PTPRG: variants seen among roughly 807,000 people sequenced by gnomAD.
PTPRG encodes receptor-type tyrosine-protein phosphatase gamma.
Under a neutral mutation model 165.3 loss-of-function variants are expected in PTPRG, and 102 were observed. The observed-to-expected ratio is 0.62, with a 90% CI of 0.53 to 0.73. The LOEUF (loss-of-function observed/expected upper bound fraction) is 0.73. PTPRG is among the 30% of genes least tolerant of loss of function. The pLI is 0.00. For synonymous variants in PTPRG, 675 were observed against 669.5 expected, an observed-to-expected ratio of 1.01 and a Z score of -0.13; for missense variants, 1,866 against 1,861.4, an observed-to-expected ratio of 1.00 and a Z score of -0.05.
At chr3:62,044,787 C>T (rs1263264390) in intron 4 of PTPRG, among the ~76,000 whole-genome samples, 2 of 152,110 alleles carry the variant, frequency 1.3e-5, no homozygotes, top group Non-Finnish European at 2.9e-5. Flanking sequence ...CATTAAGCTT[C>T]CTCTTTTCAC....
intron 1 of PTPRG, among the ~76,000 whole-genome samples, chr3:61,566,704 G>T (rs1264894339): frequency 6.6e-6 from 1 of 152,108 alleles, no homozygotes; most frequent in African/African-American, 2.4e-5. Flanking sequence ...ACGGAGTGCC[G>T]CCATGTTGGC....
intron 14 of PTPRG, among the ~76,000 whole-genome samples, chr3:62,242,143 T>C (rs1701173023): frequency 6.6e-6 from 1 of 152,238 alleles, no homozygotes; most frequent in Non-Finnish European, 1.5e-5. Context: ...TTTCCATTGC[T>C]TTACATTCAG....
intron 2 of PTPRG, among the ~76,000 whole-genome samples, chr3:61,839,013 A>G (rs932079123): frequency 6.6e-6 from 1 of 152,238 alleles, no homozygotes; most frequent in Non-Finnish European, 1.5e-5. Context: ...TATGAATTCA[A>G]TAAGCATTGA....
chr3:62,136,505 G>C (rs762852189), intron 6 of PTPRG, among the ~76,000 whole-genome samples: 23 of 152,152 alleles, frequency 1.5e-4, no homozygotes, highest in Non-Finnish European at 3.2e-4. Flanking sequence ...TCAGTGGTTG[G>C]ACTGAGAAGA....
At chr3:61,721,403 T>TCA (rs2032037955) in intron 1 of PTPRG, among the ~76,000 whole-genome samples, 1 of 152,188 alleles carries the variant, frequency 6.6e-6, no homozygotes, top group Admixed American at 6.6e-5. Context: ...GATGTACCAT[T>TCA]CACTACAGAG....
rs538231008 is a variant in PTPRG, at chr3:62,137,489, G to T, written c.682+4821G>T. ...CTTAGGTTGTGCAGCATGTGGTCAG[G>T]CGTGGTCATGGAGAAGAATTGGGCC... On this transcript the variant is annotated intron_variant, in intron 6 of 29. Coordinates refer to ENST00000474889, the MANE Select transcript of PTPRG (RefSeq NM_002841.4). Among the ~76,000 whole-genome samples the T allele has an allele frequency of 4.6e-5, 7 of 152,290 alleles. No individual in the cohort carries two copies. The South Asian group carries it at 1.0e-3, about 23-fold the overall frequency.
intron 8 of PTPRG, among the ~76,000 whole-genome samples, chr3:62,177,361 T>G (rs939042025): frequency 1.3e-5 from 2 of 152,148 alleles, no homozygotes; most frequent in African/African-American, 4.8e-5. Flanking sequence ...CAAATAAGAC[T>G]TATAGTACAG....
At chr3:62,057,915 T>G (rs1700684695) in intron 4 of PTPRG, among the ~76,000 whole-genome samples, 1 of 152,196 alleles carries the variant, frequency 6.6e-6, no homozygotes, top group Non-Finnish European at 1.5e-5. Context: ...GAGGAATCAG[T>G]GGGTAGGAAT....
Position 62,237,721 on chromosome 3 carries a change from A to T in PTPRG, c.2376-6086A>T, listed in dbSNP as rs530334634. On this transcript the variant is annotated intron_variant, in intron 14 of 29. Coordinates refer to ENST00000474889, the MANE Select transcript of PTPRG (RefSeq NM_002841.4). This position sits in a 1 kb window ranked among gnomAD's most constrained non-coding sequence, Gnocchi z 4.5. The stretch of plus-strand genomic sequence containing the variant: ...TTCATGTGTCCCATGTGGGCTTTTA[A>T]GAAGCCATGCATACTTGCACATTGC... 9.2e-5 allele frequency among the ~76,000 whole-genome samples: 14 copies of T among 152,332 alleles called. No individual in the cohort carries two copies. The highest frequency in any genetic ancestry group is 3.1e-4 in the African/African-American group (13 of 41,562).
At chr3:61,584,250 AAAT>A (rs1238074264) in intron 1 of PTPRG, among the ~76,000 whole-genome samples, 1 of 152,234 alleles carries the variant, frequency 6.6e-6, no homozygotes, top group African/African-American at 2.4e-5. Flanking sequence ...CCTGAATTAA[AAAT>A]AATAATAAAA....
At chr3:62,176,380 A>C in intron 8 of PTPRG, among the ~76,000 whole-genome samples, 1 of 152,172 alleles carries the variant, frequency 6.6e-6, no homozygotes, top group East Asian at 1.9e-4. Context: ...GAAGTGGTAG[A>C]GCTCAGACGT....
At chr3:62,202,479 G>T (rs1400996590) in intron 11 of PTPRG, among the ~76,000 whole-genome samples, 1 of 152,184 alleles carries the variant, frequency 6.6e-6, no homozygotes, top group Non-Finnish European at 1.5e-5. Flanking sequence ...TGTTATTGTT[G>T]TTGATGTTGT....
chr3:61,925,822 G>T, intron 2 of PTPRG: 1 of 465,278 alleles, frequency 2.1e-6, no homozygotes, highest in Non-Finnish European at 4.3e-6. Flanking sequence ...AGGGGATTAG[G>T]ATTCTTATAA....
chr3:61,978,005 C>T (rs535941229), intron 2 of PTPRG, among the ~76,000 whole-genome samples: 1 of 152,324 alleles, frequency 6.6e-6, no homozygotes, highest in African/African-American at 2.4e-5. Context: ...GCACCTGCCA[C>T]CACACTCAAC....
intron 2 of PTPRG, among the ~76,000 whole-genome samples, chr3:61,961,914 T>A (rs1172664412): frequency 6.6e-6 from 1 of 152,196 alleles, no homozygotes; most frequent in Non-Finnish European, 1.5e-5. Context: ...TGAGAAGCAT[T>A]ATTTCAGACA....
intron 4 of PTPRG, among the ~76,000 whole-genome samples, chr3:62,057,473 TAGAC>T (rs1279969311): frequency 6.6e-6 from 1 of 152,250 alleles, no homozygotes; most frequent in Non-Finnish European, 1.5e-5. Context: ...ATCTGCATCT[TAGAC>T]AGTGGTGTTA....
chr3:61,831,726 T>G (rs1039347048), intron 2 of PTPRG, among the ~76,000 whole-genome samples: 8 of 152,188 alleles, frequency 5.3e-5, no homozygotes, highest in Non-Finnish European at 5.9e-5. Context: ...TATACCAAAT[T>G]TTGGGTGCTT....
rs72890422 is a variant in PTPRG, at chr3:61,613,860, G to A, written c.85+51488G>A. On this transcript the variant is annotated intron_variant, in intron 1 of 29. Transcript: ENST00000474889. ...GCAATATACTGTGACCTCTGTGTGCGGAGACTAATCCAAGGAATTTAGAGT... is the reference window on the plus strand; with the variant it reads ...GCAATATACTGTGACCTCTGTGTGCAGAGACTAATCCAAGGAATTTAGAGT... Among the ~76,000 whole-genome samples, 203 of 152,272 alleles carry A rather than the reference G, an allele frequency of 1.3e-3. 1 individual carries two copies. The highest frequency in any genetic ancestry group is 4.6e-3 in the African/African-American group (192 of 41,552).
At chr3:62,125,004 A>G (rs1703233926) in intron 5 of PTPRG, among the ~76,000 whole-genome samples, 1 of 152,180 alleles carries the variant, frequency 6.6e-6, no homozygotes, top group South Asian at 2.1e-4. Context: ...GAGTGAGCCC[A>G]TCACAGTCTG....
Sources: allele counts gnomAD v4.1 joint callset (sites outside exome capture counted in the v4.1 genomes callset), GRCh38; gene constraint gnomAD v4.1.1; non-coding constraint Gnocchi (gnomAD v3.1); transcripts MANE v1.5; gene names NCBI Gene and HGNC (gene_info 2026-07-23, HGNC 2026-07-21).